Variants in KLF8 observed in about 807,000 individuals in gnomAD.
The protein encoded by KLF8 is Krueppel-like factor 8.
In KLF8, 10 loss-of-function variants were observed where a neutral mutation model predicts 18.2. The ratio of observed to expected loss-of-function variants is 0.55; its 90% confidence interval spans 0.34 to 0.93. The LOEUF (loss-of-function observed/expected upper bound fraction) is 0.93. Ranked by LOEUF, KLF8 falls within the 40% of genes least tolerant of loss-of-function variation. The pLI is 0.02. For synonymous variants in KLF8, 109 were observed against 97.3 expected (o/e 1.12, Z -0.71); for missense variants, 264 against 277.9 (o/e 0.95, Z 0.36).
the KLF8 span, among the ~76,000 whole-genome samples, chrX:56,058,295 T>TATATATATATATAC: frequency 1.5e-5 from 1 of 67,538 alleles, no homozygotes; most frequent in African/African-American, 5.6e-5. Flanking sequence ...TATATATATA[T>TATATATATATATAC]ATATATATAT....
At chrX:55,938,335 G>T in the KLF8 span, among the ~76,000 whole-genome samples, 130 of 111,475 alleles carry the variant, frequency 1.2e-3, 2 homozygotes, top group East Asian at 0.028. Flanking sequence ...GAGAGATTTT[G>T]TTACCACCAG....
the KLF8 span, among the ~76,000 whole-genome samples, chrX:56,103,593 A>AGCTTAAGGAGATTTTG: frequency 8.9e-6 from 1 of 111,767 alleles, no homozygotes; most frequent in Non-Finnish European, 1.9e-5. Context: ...GTTGCTTATC[A>AGCTTAAGGAGATTTTG]GCTTAAGGAG....
the KLF8 span, among the ~76,000 whole-genome samples, chrX:56,206,503 G>T: frequency 1.8e-5 from 2 of 112,141 alleles, no homozygotes; most frequent in African/African-American, 3.2e-5. Flanking sequence ...CCTCATGAAA[G>T]TCCAAAATCC....
chrX:56,050,849 T>C, the KLF8 span, among the ~76,000 whole-genome samples: 3 of 109,796 alleles, frequency 2.7e-5, no homozygotes, highest in Non-Finnish European at 3.8e-5. Context: ...CATTGATCTG[T>C]CTAATGTTGA....
the KLF8 span, among the ~76,000 whole-genome samples, chrX:56,033,827 A>G: frequency 8.9e-6 from 1 of 112,084 alleles, no homozygotes; most frequent in African/African-American, 3.2e-5. Context: ...ATGTCTTTTC[A>G]GATCTTTTGT....
chrX:56,060,297 T>C, the KLF8 span, among the ~76,000 whole-genome samples: 1 of 112,100 alleles, frequency 8.9e-6, no homozygotes, highest in East Asian at 2.8e-4. Flanking sequence ...CTTTTTCCCA[T>C]TCAGTATGAT....
At chrX:55,912,128 C>A in the KLF8 span, among the ~76,000 whole-genome samples, 1 of 111,192 alleles carries the variant, frequency 9.0e-6, no homozygotes, top group Non-Finnish European at 1.9e-5. Context: ...CACCAGGGAA[C>A]CTCTTAGAAA....
intron 3 of KLF8, 199 bp downstream of exon 3, chrX:56,265,943 C>A: frequency 1.0e-6 from 1 of 999,325 alleles, no homozygotes; most frequent in Non-Finnish European, 1.3e-6. Flanking sequence ...GCTTCTCAAA[C>A]AAGTACAAGT....
chrX:56,088,956 T>C, the KLF8 span, among the ~76,000 whole-genome samples: 2 of 111,887 alleles, frequency 1.8e-5, no homozygotes, highest in African/African-American at 6.5e-5. Context: ...GCCTGAAATA[T>C]GAACACAATC....
the KLF8 span, among the ~76,000 whole-genome samples, chrX:56,053,144 C>T: frequency 8.9e-6 from 1 of 112,225 alleles, no homozygotes; most frequent in East Asian, 2.8e-4. Flanking sequence ...GGTGCCCGCA[C>T]CCACTGACCT....
chrX:56,161,878 G>GT, the KLF8 span, among the ~76,000 whole-genome samples: 1 of 111,517 alleles, frequency 9.0e-6, no homozygotes, highest in East Asian at 2.8e-4. Flanking sequence ...TTTCTGCTCT[G>GT]TTTTTTCCCC....
the KLF8 span, among the ~76,000 whole-genome samples, chrX:55,971,589 G>A: frequency 9.1e-6 from 1 of 110,397 alleles, no homozygotes; most frequent in African/African-American, 3.3e-5. Flanking sequence ...AAGCTGTACA[G>A]CAAAGGAAAC....
chrX:55,961,659 C>G, the KLF8 span: 2 of 405,425 alleles, frequency 4.9e-6, no homozygotes, highest in Non-Finnish European at 9.3e-6. Context: ...TTAAGCTCAG[C>G]CAGGATGTCC....
chrX:56,005,989 C>A, the KLF8 span, among the ~76,000 whole-genome samples: 2 of 112,537 alleles, frequency 1.8e-5, no homozygotes, highest in African/African-American at 6.5e-5. Flanking sequence ...TAGACCCTGG[C>A]GGAGGCCAAC....
intron 2 of KLF8, among the ~76,000 whole-genome samples, chrX:56,250,519 A>G (rs1240208857): frequency 8.9e-6 from 1 of 111,998 alleles, no homozygotes; most frequent in African/African-American, 3.2e-5. Context: ...AGCCTCTGGA[A>G]TCAAGGCTAT....
chrX:56,014,361 C>T, the KLF8 span, among the ~76,000 whole-genome samples: 1 of 112,290 alleles, frequency 8.9e-6, no homozygotes, highest in Admixed American at 9.4e-5. Flanking sequence ...ATGTGGCCAA[C>T]AAACATATGG....
the KLF8 span, among the ~76,000 whole-genome samples, chrX:56,077,320 A>T: frequency 8.9e-6 from 1 of 111,946 alleles, no homozygotes; most frequent in African/African-American, 3.3e-5. Context: ...ATTTTTGTAC[A>T]AGGTGTAAGG....
chrX:56,079,858 A>T, the KLF8 span, among the ~76,000 whole-genome samples: 1 of 110,544 alleles, frequency 9.0e-6, no homozygotes, highest in Non-Finnish European at 1.9e-5. Context: ...TATATTTAGG[A>T]TAGTTAGCTG....
the KLF8 span, among the ~76,000 whole-genome samples, chrX:56,190,383 G>C: frequency 9.0e-6 from 1 of 111,550 alleles, no homozygotes; most frequent in African/African-American, 3.2e-5. Context: ...ATTAGAGCTG[G>C]AGACTCCTGT....
Sources: gnomAD v4.1 joint callset for allele counts (sites outside exome capture counted in the v4.1 genomes callset) on GRCh38, gnomAD v4.1.1 for gene constraint, MANE v1.5 for transcripts, NCBI Gene and HGNC (gene_info 2026-07-23, HGNC 2026-07-21) for gene names.